The following CR1 variants were observed in gnomAD, a reference collection of about 807,000 sequenced individuals.
CR1 encodes complement receptor type 1.
CR1 carries 116 observed loss-of-function variants against 187.3 expected under a neutral mutation model. The ratio of observed to expected loss-of-function variants is 0.62; its 90% confidence interval spans 0.53 to 0.72. The LOEUF (loss-of-function observed/expected upper bound fraction) is 0.72. Among genes scored for constraint, CR1 ranks in the 30% least tolerant of loss-of-function variants. CR1 has a pLI of 0.00. For missense variants in CR1, 1,731 were observed against 2,110.7 expected (o/e 0.82, Z 3.52); for synonymous variants, 576 against 747.1 (o/e 0.77, Z 3.73).
chr1:207,579,565 T>C (rs377310307), intron 29 of CR1, among the ~76,000 whole-genome samples: 24 of 152,312 alleles, frequency 1.6e-4, no homozygotes, highest in African/African-American at 4.8e-4. Context: ...AGTTTACAAA[T>C]GCCATGGCAA....
chr1:207,503,150 T>A (rs1396665389), intron 1 of CR1, among the ~76,000 whole-genome samples: 1 of 152,166 alleles, frequency 6.6e-6, no homozygotes, highest in Non-Finnish European at 1.5e-5. Context: ...TGGCAGCATA[T>A]ACTACTTTTG....
chr1:207,573,715 A>G (rs1421290452), intron 27 of CR1, among the ~76,000 whole-genome samples: 2 of 152,212 alleles, frequency 1.3e-5, no homozygotes, highest in Admixed American at 6.5e-5. Flanking sequence ...GTGTGTTTAT[A>G]TATTTCATTT....
intron 2 of CR1, 57 bp from the exon 3 acceptor site, chr1:207,506,657 T>C: frequency 6.9e-7 from 1 of 1,459,662 alleles, no homozygotes; most frequent in Non-Finnish European, 9.6e-7. Context: ...CCTTATGTAC[T>C]AAAAAAAGTT....
At chr1:207,619,050 A>AAAAAG (rs1558273593) in intron 42 of CR1, among the ~76,000 whole-genome samples, 11 of 139,052 alleles carry the variant, frequency 7.9e-5, no homozygotes, top group Non-Finnish European at 1.1e-4. Flanking sequence ...AAAAAAAAAA[A>AAAAAG]AAAAAGAAAA....
intron 33 of CR1, among the ~76,000 whole-genome samples, chr1:207,585,845 A>T (rs1230953355): frequency 6.6e-6 from 1 of 152,112 alleles, no homozygotes; most frequent in Non-Finnish European, 1.5e-5. Context: ...ATTTGAAAAT[A>T]TGCAGCACAT....
At chr1:207,524,070 A>C in intron 5 of CR1, 61 bp downstream of exon 5, 1 of 1,611,530 alleles carries the variant, frequency 6.2e-7, no homozygotes, top group Non-Finnish European at 8.5e-7. Flanking sequence ...TTGGATCAGG[A>C]GATTAGTATT....
chr1:207,638,370 TAAAATC>T (rs1662879342), intron 46 of CR1, among the ~76,000 whole-genome samples: 1 of 152,230 alleles, frequency 6.6e-6, no homozygotes, highest in Non-Finnish European at 1.5e-5. Flanking sequence ...CTAAACAATG[TAAAATC>T]ACAGTACTTT....
intron 36 of CR1, 108 bp from the exon 37 acceptor site, chr1:207,609,182 A>G: frequency 8.9e-7 from 1 of 1,127,836 alleles, no homozygotes; most frequent in South Asian, 1.8e-5. Flanking sequence ...CAGTATTGTA[A>G]TTCCATTTAG....
chr1:207,627,161 C>A (rs184593336), intron 45 of CR1, among the ~76,000 whole-genome samples: 4 of 152,312 alleles, frequency 2.6e-5, no homozygotes, highest in Non-Finnish European at 5.9e-5. Flanking sequence ...TCAAGGAGGT[C>A]TACTTTAACT....
At chr1:207,506,848 T>C in intron 3 of CR1, 35 bp downstream of exon 3, 1 of 1,537,568 alleles carries the variant, frequency 6.5e-7, no homozygotes, top group Non-Finnish European at 9.0e-7. Context: ...CATCTCTTGG[T>C]TCAAGAGTTC....
chr1:207,582,091 C>T (rs1023241416), intron 32 of CR1, 88 bp downstream of exon 32: 12 of 879,562 alleles, frequency 1.4e-5, no homozygotes, highest in East Asian at 5.6e-5. Context: ...TTGTTTGTCC[C>T]GCTGTTTGTG....
intron 45 of CR1, among the ~76,000 whole-genome samples, chr1:207,629,514 C>G (rs1477588176): frequency 6.6e-6 from 1 of 152,200 alleles, no homozygotes; most frequent in Non-Finnish European, 1.5e-5. Context: ...TCAAGTGTGC[C>G]TTCCCTGTCC....
Position 207,600,019 on chromosome 1 carries a change from A to G in CR1, c.5811-7232A>G, listed in dbSNP as rs549950306. ...GGCAAAATTTTTTGTCAAGAGCCAG[A>G]TAGCAAAATTTTCAATTTTGCAGAC... On this transcript the variant is annotated intron_variant, in intron 35 of 46. Coordinates refer to ENST00000367049, the MANE Select transcript of CR1 (RefSeq NM_000651.6). 3.3e-3 allele frequency among the ~76,000 whole-genome samples: 496 copies of G among 152,344 alleles called. 3 individuals are homozygous for G. Among genetic ancestry groups the G allele is most frequent in the Non-Finnish European group, 5.3e-3 (361 of 68,012 alleles).
At chr1:207,581,233 G>C (rs35561139) in intron 31 of CR1, among the ~76,000 whole-genome samples, 12 of 139,392 alleles carry the variant, frequency 8.6e-5, no homozygotes, top group Non-Finnish European at 1.9e-4. Context: ...CGTATATGTA[G>C]ACGTATACAT....
intron 46 of CR1, among the ~76,000 whole-genome samples, chr1:207,633,892 G>A (rs979462332): frequency 6.6e-6 from 1 of 152,168 alleles, no homozygotes; most frequent in African/African-American, 2.4e-5. Context: ...TAAGATTTGG[G>A]CAGGTAAAGG....
intron 46 of CR1, among the ~76,000 whole-genome samples, chr1:207,637,280 A>G (rs139844764): frequency 0.065 from 9,911 of 152,236 alleles, 1,064 homozygotes; most frequent in African/African-American, 0.22. Flanking sequence ...CTGGGACACG[A>G]CTGAGTTTGT....
chr1:207,594,699 C>A (rs961250037), intron 35 of CR1, among the ~76,000 whole-genome samples: 2 of 152,048 alleles, frequency 1.3e-5, no homozygotes, highest in African/African-American at 4.8e-5. Context: ...AACTAACTGC[C>A]CCTTGTCATC....
At chr1:207,611,903 G>A (rs374208260) in intron 38 of CR1, 36 bp from the exon 39 acceptor site, 4 of 1,613,926 alleles carry the variant, frequency 2.5e-6, no homozygotes, top group Non-Finnish European at 2.5e-6. Context: ...CCTTCACATG[G>A]AGGACTTACT....
intron 5 of CR1, among the ~76,000 whole-genome samples, chr1:207,525,195 C>T (rs1233967647): frequency 1.3e-5 from 2 of 151,950 alleles, no homozygotes; most frequent in African/African-American, 2.4e-5. Context: ...CACTTCCCAC[C>T]AGGCTCCTTC....
Sources: gnomAD v4.1 joint callset for allele counts (sites outside exome capture counted in the v4.1 genomes callset) on GRCh38, gnomAD v4.1.1 for gene constraint, MANE v1.5 for transcripts, NCBI Gene and HGNC (gene_info 2026-07-23, HGNC 2026-07-21) for gene names.